AKAP13: variants seen among roughly 807,000 people sequenced by gnomAD.
The protein encoded by AKAP13 is A-kinase anchoring protein 13, also known as A-kinase anchor protein 13.
AKAP13 carries 80 observed loss-of-function variants against 264.5 expected under a neutral mutation model. The observed-to-expected ratio is 0.30, with a 90% CI of 0.25 to 0.36. The LOEUF is 0.36. Ranked by LOEUF, AKAP13 falls within the 10% of genes least tolerant of loss-of-function variation. The pLI is 1.00. For missense variants in AKAP13, 3,712 were observed against 3,435.2 expected, an observed-to-expected ratio of 1.08 and a Z score of -2.01; for synonymous variants, 1,380 against 1,250.2, an observed-to-expected ratio of 1.10 and a Z score of -2.19.
intron 9 of AKAP13, among the ~76,000 whole-genome samples, chr15:85,642,316 C>G (rs1431437975): frequency 6.6e-6 from 1 of 152,146 alleles, no homozygotes; most frequent in Non-Finnish European, 1.5e-5. Context: ...TACTTCTTGC[C>G]TGGAATTTTT....
chr15:85,667,540 T>G (rs892745698), intron 13 of AKAP13, among the ~76,000 whole-genome samples: 4 of 152,090 alleles, frequency 2.6e-5, no homozygotes, highest in Non-Finnish European at 5.9e-5. Flanking sequence ...TTAAAATAAA[T>G]TGCATTTCAA....
At chr15:85,403,847 CAAAA>C (rs11342591) in intron 1 of AKAP13, among the ~76,000 whole-genome samples, 3 of 128,314 alleles carry the variant, frequency 2.3e-5, no homozygotes, top group Non-Finnish European at 3.3e-5. Flanking sequence ...AAACTCCTCT[CAAAA>C]AAAAAAAAAA....
rs771621128 is a variant in AKAP13, at chr15:85,744,666, ATCT to A, written c.8435_8437del (p.Phe2812del). On this transcript the variant is annotated inframe_deletion, in exon 37 of 37. Transcript: ENST00000394518. Reference sequence around the variant, plus strand: ...AGAAGTATCAGCAGAGGGTGAAGAGATCTTCTGCTGACCCTCTTCCTCTCTGCT... The same window carrying A: ...AGAAGTATCAGCAGAGGGTGAAGAGATCTGCTGACCCTCTTCCTCTCTGCT... 60 of 1,609,878 alleles carry A rather than the reference ATCT, an allele frequency of 3.7e-5. No individual in the cohort carries two copies. The highest frequency in any genetic ancestry group is 8.0e-5 in the African/African-American group (6 of 74,618).
At chr15:85,636,089 A>G (rs2082059698) in intron 8 of AKAP13, among the ~76,000 whole-genome samples, 2 of 152,238 alleles carry the variant, frequency 1.3e-5, no homozygotes, top group South Asian at 4.2e-4. Context: ...ATTTTTCTCA[A>G]CAATGTTTTA....
chr15:85,742,507 T>C (rs2151789436), intron 35 of AKAP13, among the ~76,000 whole-genome samples: 1 of 152,310 alleles, frequency 6.6e-6, no homozygotes, highest in South Asian at 2.1e-4. Context: ...AGGCCGCCAC[T>C]CCTCTCGTGG....
chr15:85,731,847 C>T (rs1055831084), intron 30 of AKAP13, among the ~76,000 whole-genome samples: 3 of 151,904 alleles, frequency 2.0e-5, no homozygotes, highest in African/African-American at 2.4e-5. Context: ...TTTGGGAGGC[C>T]GAGGCAAGTG....
intron 1 of AKAP13, among the ~76,000 whole-genome samples, chr15:85,467,424 G>A (rs552607804): frequency 1.3e-5 from 2 of 151,866 alleles, no homozygotes; most frequent in East Asian, 1.9e-4. Flanking sequence ...ACCATTAATT[G>A]TTCCTTTAAA....
chr15:85,512,639 A>G (rs978541160), intron 2 of AKAP13, among the ~76,000 whole-genome samples: 1 of 152,198 alleles, frequency 6.6e-6, no homozygotes, highest in Non-Finnish European at 1.5e-5. Context: ...GATTTAAAAA[A>G]TACTCTCGGC....
intron 1 of AKAP13, among the ~76,000 whole-genome samples, chr15:85,386,566 G>T (rs1292238128): frequency 6.6e-6 from 1 of 152,152 alleles, no homozygotes; most frequent in African/African-American, 2.4e-5. Flanking sequence ...TGGGATTACA[G>T]GCGTGAGCTA....
At chr15:85,429,730 C>A (rs974615744) in intron 1 of AKAP13, among the ~76,000 whole-genome samples, 2 of 152,178 alleles carry the variant, frequency 1.3e-5, no homozygotes, top group Non-Finnish European at 2.9e-5. Flanking sequence ...TCAGTCCTGG[C>A]TCTGGATGAG....
intron 5 of AKAP13, among the ~76,000 whole-genome samples, chr15:85,549,870 G>C (rs184325559): frequency 6.6e-6 from 1 of 152,222 alleles, no homozygotes; most frequent in East Asian, 1.9e-4. Context: ...TTAAAGTATG[G>C]TTGATTACAT....
chr15:85,516,173 G>A (rs1281548512), intron 2 of AKAP13, among the ~76,000 whole-genome samples: 2 of 152,182 alleles, frequency 1.3e-5, no homozygotes, highest in Non-Finnish European at 2.9e-5. Flanking sequence ...CTAATGGGGT[G>A]TACATCCTGG....
chr15:85,741,824 C>G (rs2089022785), intron 35 of AKAP13, among the ~76,000 whole-genome samples: 1 of 151,842 alleles, frequency 6.6e-6, no homozygotes, highest in Non-Finnish European at 1.5e-5. Context: ...GCAGGTGGAT[C>G]TCTTGAGGCC....
At chr15:85,530,084 C>T (rs1367768477) in intron 3 of AKAP13, among the ~76,000 whole-genome samples, 2 of 152,158 alleles carry the variant, frequency 1.3e-5, no homozygotes, top group Non-Finnish European at 2.9e-5. Context: ...CAGTAGCTCA[C>T]ACATCCATCC....
intron 5 of AKAP13, among the ~76,000 whole-genome samples, chr15:85,550,287 G>T (rs1296440455): frequency 6.6e-6 from 1 of 152,168 alleles, no homozygotes; most frequent in African/African-American, 2.4e-5. Flanking sequence ...GGTTCACAAG[G>T]TTGCAAAGTA....
chr15:85,679,349 A>G (rs566419755), intron 14 of AKAP13, among the ~76,000 whole-genome samples: 2 of 152,328 alleles, frequency 1.3e-5, no homozygotes, highest in Admixed American at 6.5e-5. Flanking sequence ...AAAAATACGG[A>G]AGCTTGCAGA....
intron 1 of AKAP13, among the ~76,000 whole-genome samples, chr15:85,446,836 A>G (rs1013371094): frequency 2.0e-5 from 3 of 151,726 alleles, no homozygotes; most frequent in African/African-American, 7.3e-5. Flanking sequence ...ATTGTTAAAC[A>G]TTATATAAAT....
intron 34 of AKAP13, chr15:85,740,662 A>G (rs1397575502): frequency 9.4e-6 from 3 of 318,202 alleles, no homozygotes; most frequent in Non-Finnish European, 1.8e-5. Context: ...ACATCCTCAA[A>G]TTCTGCTCAC....
intron 8 of AKAP13, among the ~76,000 whole-genome samples, chr15:85,587,803 C>T (rs2079421707): frequency 6.6e-6 from 1 of 152,100 alleles, no homozygotes; most frequent in African/African-American, 2.4e-5. Context: ...CTCGTCACCA[C>T]GCCCGGCTAC....
Sources: gnomAD v4.1 joint callset for allele counts (sites outside exome capture counted in the v4.1 genomes callset) on GRCh38, gnomAD v4.1.1 for gene constraint, MANE v1.5 for transcripts, NCBI Gene and HGNC (gene_info 2026-07-23, HGNC 2026-07-21) for gene names.